CTNNA3: variants seen among roughly 807,000 people sequenced by gnomAD.
The protein encoded by CTNNA3 is catenin alpha 3, also known as catenin alpha-3.
In CTNNA3, 76 loss-of-function variants were observed where a neutral mutation model predicts 95.7. The observed-to-expected ratio is 0.79, with a 90% CI of 0.66 to 0.96. CTNNA3 has a LOEUF of 0.96. CTNNA3 is among the 40% of genes least tolerant of loss of function. The pLI is 0.00. For synonymous variants in CTNNA3, 431 were observed against 374.4 expected (o/e 1.15, Z -1.74); for missense variants, 1,191 against 1,089.8 (o/e 1.09, Z -1.31).
chr10:67,183,679 T>TA (rs1428297769), intron 6 of CTNNA3, among the ~76,000 whole-genome samples: 1 of 151,570 alleles, frequency 6.6e-6, no homozygotes, highest in Non-Finnish European at 1.5e-5. Context: ...CCCTAAAACT[T>TA]AAAGTATAAT....
At chr10:67,409,598 G>T (rs1255880947) in intron 5 of CTNNA3, among the ~76,000 whole-genome samples, 1 of 152,006 alleles carries the variant, frequency 6.6e-6, no homozygotes, top group Non-Finnish European at 1.5e-5. Context: ...GTGGAGGTGG[G>T]GTAGGGGGAG....
rs140504597 is a variant in CTNNA3, at chr10:67,450,281, C to G, written c.579+71561G>C. Among the ~76,000 whole-genome samples the G allele has an allele frequency of 4.9e-3, 745 of 152,284 alleles. 3 individuals are homozygous for G. The highest frequency in any genetic ancestry group is 7.6e-3 in the Non-Finnish European group (515 of 68,014). On this transcript the variant is annotated intron_variant, in intron 5 of 17. Coordinates refer to ENST00000433211, the MANE Select transcript of CTNNA3 (RefSeq NM_013266.4). ...AAAACAGAACTACCATTTGACCCAG[C>G]AATCCCATTACTGGATATATGCCCA...
At chr10:67,008,331 G>A (rs978610066) in intron 7 of CTNNA3, among the ~76,000 whole-genome samples, 2 of 151,986 alleles carry the variant, frequency 1.3e-5, no homozygotes, top group African/African-American at 4.8e-5. Context: ...AGTGCTCATG[G>A]TTTTTAATTT....
intron 10 of CTNNA3, among the ~76,000 whole-genome samples, chr10:66,565,108 A>G (rs1486624999): frequency 6.6e-6 from 1 of 152,178 alleles, no homozygotes; most frequent in Non-Finnish European, 1.5e-5. Flanking sequence ...TCCTTATACC[A>G]GGAGCTTCTT....
intron 9 of CTNNA3, among the ~76,000 whole-genome samples, chr10:66,683,684 G>A (rs561309275): frequency 1.3e-4 from 20 of 152,292 alleles, no homozygotes; most frequent in Admixed American, 8.5e-4. Flanking sequence ...ATCACACTAT[G>A]AGAGCATATT....
intron 5 of CTNNA3, among the ~76,000 whole-genome samples, chr10:67,472,943 C>T (rs1847882350): frequency 6.6e-6 from 1 of 152,184 alleles, no homozygotes; most frequent in Non-Finnish European, 1.5e-5. Context: ...ATCACGTTCC[C>T]CTTTTACCTT....
At chr10:66,811,984 C>T (rs1035186393) in intron 7 of CTNNA3, among the ~76,000 whole-genome samples, 2 of 152,144 alleles carry the variant, frequency 1.3e-5, no homozygotes, top group Non-Finnish European at 2.9e-5. Flanking sequence ...CACATTTGAG[C>T]TCCTGCTTCC....
chr10:66,739,033 C>T (rs1369629504), intron 9 of CTNNA3, among the ~76,000 whole-genome samples: 1 of 152,094 alleles, frequency 6.6e-6, no homozygotes, highest in Non-Finnish European at 1.5e-5. Flanking sequence ...AAATAAATTT[C>T]AGTCATCTCA....
At chr10:66,243,198 C>G (rs139811964) in intron 13 of CTNNA3, among the ~76,000 whole-genome samples, 1 of 152,152 alleles carries the variant, frequency 6.6e-6, no homozygotes, top group Non-Finnish European at 1.5e-5. Flanking sequence ...ATACCAGGCC[C>G]TGTAAGAAAT....
At chr10:66,028,093 A>G (rs554321116) in intron 15 of CTNNA3, among the ~76,000 whole-genome samples, 1 of 152,314 alleles carries the variant, frequency 6.6e-6, no homozygotes, top group East Asian at 1.9e-4. Flanking sequence ...GCATTACCAT[A>G]CATTTGAAGA....
chr10:66,771,198 A>G (rs1840071822), intron 8 of CTNNA3, among the ~76,000 whole-genome samples: 1 of 152,190 alleles, frequency 6.6e-6, no homozygotes, highest in African/African-American at 2.4e-5. Context: ...CATTTGACAT[A>G]CTTCATCTTT....
chr10:67,349,336 ATGT>A (rs1206570068), intron 5 of CTNNA3, among the ~76,000 whole-genome samples: 1 of 152,162 alleles, frequency 6.6e-6, no homozygotes. Flanking sequence ...AATAAAGAAA[ATGT>A]TGTATCTATA....
chr10:67,128,034 G>T (rs984612921), intron 7 of CTNNA3, among the ~76,000 whole-genome samples: 5 of 152,008 alleles, frequency 3.3e-5, no homozygotes, highest in African/African-American at 1.2e-4. Flanking sequence ...ATAGCTCAAG[G>T]TCAAAACTCT....
At chr10:67,560,191 T>C (rs1841448540) in intron 3 of CTNNA3, among the ~76,000 whole-genome samples, 1 of 152,044 alleles carries the variant, frequency 6.6e-6, no homozygotes, top group Non-Finnish European at 1.5e-5. Flanking sequence ...ATTGTTAGAT[T>C]CACCAAAGTT....
At chr10:66,332,597 A>C (rs1275633403) in intron 12 of CTNNA3, among the ~76,000 whole-genome samples, 1 of 151,996 alleles carries the variant, frequency 6.6e-6, no homozygotes, top group African/African-American at 2.4e-5. Flanking sequence ...ATGGTGGATA[A>C]GCTTTTTGAT....
chr10:66,868,750 CAAAAA>C (rs34594360), intron 7 of CTNNA3, among the ~76,000 whole-genome samples: 1 of 130,498 alleles, frequency 7.7e-6, no homozygotes, highest in Non-Finnish European at 1.7e-5. Flanking sequence ...GACTCCGTCT[CAAAAA>C]AAAAAAAAAA....
intron 13 of CTNNA3, among the ~76,000 whole-genome samples, chr10:66,172,138 T>C (rs1026531080): frequency 1.3e-5 from 2 of 152,206 alleles, no homozygotes; most frequent in African/African-American, 2.4e-5. Context: ...CTAATTTATA[T>C]GATTGATGTT....
At chr10:67,304,108 A>T (rs1189198714) in intron 5 of CTNNA3, among the ~76,000 whole-genome samples, 1 of 152,186 alleles carries the variant, frequency 6.6e-6, no homozygotes, top group African/African-American at 2.4e-5. Context: ...CTTGAGATGT[A>T]AACATATATA....
intron 11 of CTNNA3, among the ~76,000 whole-genome samples, chr10:66,437,906 T>C (rs1470108323): frequency 1.3e-5 from 2 of 152,138 alleles, no homozygotes; most frequent in African/African-American, 4.8e-5. Context: ...TTTGTTGATG[T>C]TGATGCTATT....
Sources: allele counts gnomAD v4.1 joint callset (sites outside exome capture counted in the v4.1 genomes callset), GRCh38; gene constraint gnomAD v4.1.1; transcripts MANE v1.5; gene names NCBI Gene and HGNC (gene_info 2026-07-23, HGNC 2026-07-21).